Variants in AGBL1 observed in about 807,000 individuals in gnomAD.
The protein encoded by AGBL1 is cytosolic carboxypeptidase 4.
In AGBL1, 130 loss-of-function variants were observed where a neutral mutation model predicts 118.9. That is an observed-to-expected ratio of 1.09 (90% CI 0.95 to 1.26). The LOEUF is 1.26. Among genes scored for constraint, AGBL1 ranks in the 50% most tolerant of loss-of-function variants. AGBL1 has a pLI of 0.00. For missense variants in AGBL1, 1,584 were observed against 1,298.1 expected (o/e 1.22, Z -3.38); for synonymous variants, 555 against 478.9 (o/e 1.16, Z -2.08).
intron 22 of AGBL1, among the ~76,000 whole-genome samples, chr15:86,686,735 C>A (rs1479166715): frequency 1.3e-5 from 2 of 152,046 alleles, no homozygotes; most frequent in Non-Finnish European, 1.5e-5. Context: ...CCATGCCTGG[C>A]CTCTAAGTTT....
intron 18 of AGBL1, among the ~76,000 whole-genome samples, chr15:86,454,619 A>G (rs780960788): frequency 2.6e-5 from 4 of 152,204 alleles, no homozygotes; most frequent in Non-Finnish European, 5.9e-5. Context: ...CCTCACTGAC[A>G]TGATCAGCCA....
intron 23 of AGBL1, among the ~76,000 whole-genome samples, chr15:86,949,572 C>CA (rs1217450556): frequency 1.3e-5 from 2 of 151,710 alleles, no homozygotes; most frequent in African/African-American, 2.4e-5. Context: ...GACTCTGAGA[C>CA]AAAAAATACT....
At chr15:86,934,497 T>C (rs780015536) in intron 23 of AGBL1, among the ~76,000 whole-genome samples, 1 of 151,212 alleles carries the variant, frequency 6.6e-6, no homozygotes, top group Non-Finnish European at 1.5e-5. Flanking sequence ...TCCTCCTTGC[T>C]ATTATCTTAT....
intron 17 of AGBL1, among the ~76,000 whole-genome samples, chr15:86,379,776 A>G (rs2081087504): frequency 6.6e-6 from 1 of 152,156 alleles, no homozygotes; most frequent in Non-Finnish European, 1.5e-5. Flanking sequence ...AGTGATCTCA[A>G]CACAGCTTAT....
chr15:86,481,477 C>G (rs1243453262), intron 18 of AGBL1, among the ~76,000 whole-genome samples: 1 of 152,070 alleles, frequency 6.6e-6, no homozygotes, highest in East Asian at 1.9e-4. Context: ...TAGCTTCTAT[C>G]TCTGAATCCT....
intron 18 of AGBL1, among the ~76,000 whole-genome samples, chr15:86,510,433 C>G (rs1009981345): frequency 1.4e-4 from 21 of 152,180 alleles, no homozygotes; most frequent in African/African-American, 5.1e-4. Flanking sequence ...ATGCATTCTT[C>G]CCACCTAGGA....
At chr15:86,642,023 A>G (rs1275541114) in intron 21 of AGBL1, among the ~76,000 whole-genome samples, 1 of 152,200 alleles carries the variant, frequency 6.6e-6, no homozygotes, top group African/African-American at 2.4e-5. Context: ...GTAATGAGAA[A>G]AGTGTAAGAG....
intron 21 of AGBL1, among the ~76,000 whole-genome samples, chr15:86,600,760 T>G (rs2084480272): frequency 6.6e-6 from 1 of 152,264 alleles, no homozygotes. Context: ...CGAATCTGCT[T>G]TTATGGCTAA....
intron 22 of AGBL1, among the ~76,000 whole-genome samples, chr15:86,759,343 G>A (rs12102177): frequency 8.6e-5 from 13 of 151,748 alleles, no homozygotes; most frequent in African/African-American, 3.1e-4. Flanking sequence ...CATGTGATTT[G>A]GTGCAAAATA....
intron 21 of AGBL1, among the ~76,000 whole-genome samples, chr15:86,649,364 GGAA>G (rs2085333559): frequency 6.6e-6 from 1 of 152,110 alleles, no homozygotes; most frequent in African/African-American, 2.4e-5. Context: ...GGTTTTAGGG[GGAA>G]GAAAGAGGTA....
At chr15:86,308,661 C>T (rs765544878) in intron 17 of AGBL1, among the ~76,000 whole-genome samples, 13 of 152,168 alleles carry the variant, frequency 8.5e-5, no homozygotes, top group African/African-American at 1.4e-4. Flanking sequence ...GTTTTCTCAA[C>T]AACATATATA....
intron 1 of AGBL1, chr15:86,086,292 C>T (rs936529286): frequency 6.6e-6 from 1 of 152,158 alleles, no homozygotes; most frequent in Admixed American, 6.5e-5. Context: ...ATCAAACAGA[C>T]TGGACACCTC....
intron 23 of AGBL1, among the ~76,000 whole-genome samples, chr15:86,948,126 G>C (rs1477007042): frequency 6.6e-6 from 1 of 152,146 alleles, no homozygotes; most frequent in Non-Finnish European, 1.5e-5. Context: ...CCATGAGTTA[G>C]CATGTGCAGT....
chr15:86,269,928 T>G lies in AGBL1; in HGVS notation c.1848T>G (p.Tyr616Ter). 6.2e-7 allele frequency: 1 copy of G among 1,613,824 alleles called. No individual in the cohort carries two copies. The highest frequency in any genetic ancestry group is 2.2e-5 in the East Asian group (1 of 44,874). ...TGCTTCTGATCTGCAGGTTCGAGTA[T>G]GACTTGCTGGTCAACGCAGATGTGA... Reference protein sequence around the residue: ...RKAIQVREFEYDLLVNADVNS... With the variant: ...RKAIQVREFE The change falls in exon 14 of 23, where the codon TAT (tyrosine) becomes TAG (stop). Residue 616 changes from tyrosine to a stop codon, truncating the protein, a stop_gained. Transcript: ENST00000614907. LOFTEE classifies it high-confidence loss of function.
chr15:86,359,806 C>G (rs976893597), intron 17 of AGBL1, among the ~76,000 whole-genome samples: 3 of 151,680 alleles, frequency 2.0e-5, no homozygotes, highest in African/African-American at 7.3e-5. Flanking sequence ...ACATTTTATT[C>G]TGTTTGCTGC....
In AGBL1 at chr15:86,522,280, G is replaced by T. The variant is rs144966151; in HGVS notation, c.2556-530G>T. 3.9e-5 allele frequency among the ~76,000 whole-genome samples: 6 copies of T among 152,260 alleles called. No individual in the cohort carries two copies. In the East Asian group the frequency reaches 1.2e-3, roughly 29 times the overall value. On this transcript the variant is annotated intron_variant, in intron 18 of 22. Transcript: ENST00000614907. ...TAGAAGAGAGAGAACAGGGTTAGAA[G>T]CAAATAAATCTGGGGGGAAAGCCTA...
At chr15:86,512,209 G>A (rs1489221163) in intron 18 of AGBL1, among the ~76,000 whole-genome samples, 1 of 151,836 alleles carries the variant, frequency 6.6e-6, no homozygotes, top group African/African-American at 2.4e-5. Flanking sequence ...CTGTCGCTGA[G>A]GTGTCCTCAA....
chr15:86,773,668 T>C (rs937345047), intron 22 of AGBL1, among the ~76,000 whole-genome samples: 10 of 151,850 alleles, frequency 6.6e-5, no homozygotes, highest in Non-Finnish European at 1.3e-4. Context: ...AAAGTGGATG[T>C]CAATACAATT....
At chr15:86,977,052 CT>C (rs1333190032) in intron 23 of AGBL1, among the ~76,000 whole-genome samples, 7 of 151,828 alleles carry the variant, frequency 4.6e-5, no homozygotes, top group Non-Finnish European at 8.8e-5. Context: ...AAAGTTACAT[CT>C]TTTATTGTTC....
Sources: allele counts gnomAD v4.1 joint callset (sites outside exome capture counted in the v4.1 genomes callset), GRCh38; gene constraint gnomAD v4.1.1; transcripts MANE v1.5; gene names NCBI Gene and HGNC (gene_info 2026-07-23, HGNC 2026-07-21).